The following CSMD3 variants were observed in gnomAD, a reference collection of about 807,000 sequenced individuals.
CSMD3 encodes CUB and sushi domain-containing protein 3.
CSMD3 carries 177 observed loss-of-function variants against 435.2 expected under a neutral mutation model. The ratio of observed to expected loss-of-function variants is 0.41; its 90% CI spans 0.36 to 0.46. The LOEUF (loss-of-function observed/expected upper bound fraction) is 0.46. Among genes scored for constraint, CSMD3 ranks in the 20% least tolerant of loss-of-function variants. The pLI, the probability that CSMD3 is intolerant of heterozygous loss-of-function variation, is 0.34. For missense variants in CSMD3, 4,265 were observed against 4,504.6 expected (o/e 0.95, Z 1.52); for synonymous variants, 1,656 against 1,520.5 (o/e 1.09, Z -2.07).
At chr8:112,724,769 T>C (rs1746395641) in intron 13 of CSMD3, among the ~76,000 whole-genome samples, 1 of 151,848 alleles carries the variant, frequency 6.6e-6, no homozygotes, top group Admixed American at 6.6e-5. Context: ...GACAAAAAGA[T>C]GATGAAGTTG....
intron 5 of CSMD3, among the ~76,000 whole-genome samples, chr8:113,094,138 T>A (rs577367093): frequency 1.3e-5 from 2 of 152,164 alleles, no homozygotes; most frequent in Non-Finnish European, 2.9e-5. Flanking sequence ...TATTATTATT[T>A]ACATATTTTC....
chr8:112,523,689 AGAGGTGGATTTCACCCTG>A (rs1449888453), intron 27 of CSMD3, among the ~76,000 whole-genome samples: 1 of 152,088 alleles, frequency 6.6e-6, no homozygotes, highest in African/African-American at 2.4e-5. Context: ...ATGGTAACCT[AGAGGTGGATTTCACCCTG>A]GAGAATTTTG....
chr8:113,237,384 A>T (rs1020885151), intron 3 of CSMD3, among the ~76,000 whole-genome samples: 1 of 152,220 alleles, frequency 6.6e-6, no homozygotes, highest in Non-Finnish European at 1.5e-5. Flanking sequence ...GTCAATCTAC[A>T]TTGGTATAAT....
intron 5 of CSMD3, among the ~76,000 whole-genome samples, chr8:113,087,310 C>T (rs917571461): frequency 3.3e-5 from 5 of 151,688 alleles, no homozygotes; most frequent in Non-Finnish European, 7.4e-5. Context: ...TCAATGCCAT[C>T]CCCATCAAGC....
chr8:112,355,429 A>C (rs938806945), intron 38 of CSMD3, among the ~76,000 whole-genome samples: 1 of 152,206 alleles, frequency 6.6e-6, no homozygotes, highest in Admixed American at 6.5e-5. Flanking sequence ...AGAATGGGAG[A>C]AAATGTTCAT....
At chr8:112,918,607 T>C (rs1314687942) in intron 10 of CSMD3, among the ~76,000 whole-genome samples, 1 of 152,034 alleles carries the variant, frequency 6.6e-6, no homozygotes, top group East Asian at 1.9e-4. Context: ...CTCCAGCTTT[T>C]GGATATCTAC....
chr8:112,316,102 T>C (rs1331023116), intron 47 of CSMD3, among the ~76,000 whole-genome samples: 1 of 151,834 alleles, frequency 6.6e-6, no homozygotes, highest in Non-Finnish European at 1.5e-5. Flanking sequence ...GTTAATAACT[T>C]GAAAAGACTT....
intron 10 of CSMD3, among the ~76,000 whole-genome samples, chr8:112,859,860 G>A (rs2080774020): frequency 1.3e-5 from 2 of 151,656 alleles, no homozygotes; most frequent in Non-Finnish European, 3.0e-5. Context: ...TAATAAATGA[G>A]CTAGTGACCA....
At chr8:113,180,938 C>T (rs1051102213) in intron 3 of CSMD3, among the ~76,000 whole-genome samples, 2 of 151,994 alleles carry the variant, frequency 1.3e-5, no homozygotes, top group Admixed American at 6.6e-5. Flanking sequence ...CATGAGGCCG[C>T]ATTTGCCGTT....
Position 112,636,812 on chromosome 8 carries a change from C to T in CSMD3, c.3715+5G>A, listed in dbSNP as rs1286193938. 1.2e-6 allele frequency: 2 copies of T among 1,612,014 alleles called. No individual in the cohort carries two copies. Among genetic ancestry groups the T allele is most frequent in the Non-Finnish European group, 1.7e-6 (2 of 1,178,638 alleles). ...ACAAGCAAATGAAAGCAGCTGACCA[C>T]GTACCCACACACCTTGGCAGAGGTG... On this transcript the variant is annotated splice_donor_5th_base_variant and intron_variant, in intron 22 of 70. Transcript: ENST00000297405.
chr8:113,106,325 T>G (rs1376648792), intron 4 of CSMD3, among the ~76,000 whole-genome samples: 1 of 150,484 alleles, frequency 6.6e-6, no homozygotes, highest in Non-Finnish European at 1.5e-5. Context: ...TTACTAGAAA[T>G]TAAAAAAAAA....
chr8:112,285,164 A>G (rs1819055743), intron 58 of CSMD3, among the ~76,000 whole-genome samples: 1 of 152,106 alleles, frequency 6.6e-6, no homozygotes, highest in African/African-American at 2.4e-5. Flanking sequence ...TATGCATGCT[A>G]ACAAAGCAAT....
At chr8:113,343,716 G>GA (rs1435485078) in intron 1 of CSMD3, among the ~76,000 whole-genome samples, 1 of 151,982 alleles carries the variant, frequency 6.6e-6, no homozygotes, top group African/African-American at 2.4e-5. Context: ...CGTTACTAGA[G>GA]AAAAAACATA....
chr8:112,386,701 G>A (rs1327294299), intron 36 of CSMD3, among the ~76,000 whole-genome samples: 2 of 152,046 alleles, frequency 1.3e-5, no homozygotes, highest in African/African-American at 2.4e-5. Context: ...GTTTCACTAT[G>A]TTAGCCAGGA....
chr8:112,707,561 T>A (rs1304056837), intron 13 of CSMD3, among the ~76,000 whole-genome samples: 1 of 152,000 alleles, frequency 6.6e-6, no homozygotes, highest in Non-Finnish European at 1.5e-5. Flanking sequence ...ACAGGCAATT[T>A]GGAAAATTGG....
At position 112,364,553 on chromosome 8, in the gene CSMD3, G is replaced by T. The variant is rs118013838; in HGVS notation, c.6137-12019C>A. Among the ~76,000 whole-genome samples the T allele has an allele frequency of 5.8e-3, 888 of 152,092 alleles. 4 individuals carry two copies. Among genetic ancestry groups the T allele is most frequent in the Middle Eastern group, 0.031 (9 of 294 alleles). The stretch of plus-strand genomic sequence containing the variant: ...TCCCTCTAGGATTTGCCATTAGTGA[G>T]ATTTTAACATGTGTCTCTACAAATT... On this transcript the variant is annotated intron_variant, in intron 38 of 70. Coordinates refer to ENST00000297405, the MANE Select transcript of CSMD3 (RefSeq NM_198123.2).
intron 3 of CSMD3, among the ~76,000 whole-genome samples, chr8:113,238,751 AG>A (rs2093178191): frequency 6.6e-6 from 1 of 152,136 alleles, no homozygotes; most frequent in African/African-American, 2.4e-5. Context: ...GGGGCCCAAG[AG>A]GTACTAGCAC....
At chr8:113,269,052 G>T (rs914219499) in intron 3 of CSMD3, among the ~76,000 whole-genome samples, 1 of 151,820 alleles carries the variant, frequency 6.6e-6, no homozygotes, top group Non-Finnish European at 1.5e-5. Flanking sequence ...ATGTCAAAAT[G>T]GTTTGTAAAA....
At chr8:112,374,950 G>A (rs983779138) in intron 38 of CSMD3, among the ~76,000 whole-genome samples, 1 of 152,156 alleles carries the variant, frequency 6.6e-6, no homozygotes, top group Admixed American at 6.5e-5. Context: ...CGAACATTTA[G>A]ATTATGTGAA....
Sources: gnomAD v4.1 joint callset for allele counts (sites outside exome capture counted in the v4.1 genomes callset) on GRCh38, gnomAD v4.1.1 for gene constraint, MANE v1.5 for transcripts, NCBI Gene and HGNC (gene_info 2026-07-23, HGNC 2026-07-21) for gene names.